The following KIF21B variants were observed in gnomAD, a reference collection of about 807,000 sequenced individuals.
KIF21B encodes the protein kinesin-like protein KIF21B.
KIF21B carries 85 observed loss-of-function variants against 192.9 expected under a neutral mutation model. That is an observed-to-expected ratio of 0.44 (90% confidence interval 0.37 to 0.53). The LOEUF (loss-of-function observed/expected upper bound fraction) is 0.53. Among genes scored for constraint, KIF21B ranks in the 20% least tolerant of loss-of-function variants. KIF21B has a pLI of 0.00. For missense variants in KIF21B, 1,716 were observed against 2,194.8 expected (o/e 0.78, Z 4.36); for synonymous variants, 832 against 884.6 (o/e 0.94, Z 1.05).
intron 27 of KIF21B, 29 bp from the exon 28 acceptor site, chr1:200,983,123 A>AG: frequency 1.3e-6 from 2 of 1,532,168 alleles, no homozygotes; most frequent in Non-Finnish European, 1.7e-6. Flanking sequence ...TAGCTGGATT[A>AG]GGGGGTGAGA....
chr1:201,001,922 AT>A, intron 9 of KIF21B: 1 of 556,306 alleles, frequency 1.8e-6, no homozygotes, highest in Non-Finnish European at 3.2e-6. Flanking sequence ...GGGAGAGGCG[AT>A]TTTAATCTTT....
intron 24 of KIF21B, among the ~76,000 whole-genome samples, 181 bp downstream of exon 24, chr1:200,988,115 G>A (rs1656422105): frequency 6.6e-6 from 1 of 152,210 alleles, no homozygotes; most frequent in African/African-American, 2.4e-5. Flanking sequence ...GGAATGGGCT[G>A]CAACAGGTTA....
intron 29 of KIF21B, 105 bp from the exon 30 acceptor site, chr1:200,979,820 C>A (rs752437109): frequency 3.6e-5 from 33 of 914,372 alleles, no homozygotes; most frequent in Non-Finnish European, 4.4e-5. Context: ...AAGGGATCCA[C>A]AGGGCTCCAG....
chr1:201,002,107 G>T, intron 9 of KIF21B, 54 bp downstream of exon 9: 1 of 1,507,950 alleles, frequency 6.6e-7, no homozygotes, highest in Non-Finnish European at 9.2e-7. Context: ...GATGTCGGGG[G>T]AGGGAGTCCT....
chr1:201,023,239 T>A lies in KIF21B; in HGVS notation c.41+104A>T. On this transcript the variant is annotated intron_variant, in intron 1 of 34. Transcript: ENST00000461742. The surrounding 1 kb of genome is among the most constrained non-coding windows in gnomAD (Gnocchi z 5.9). ...CCCACGCCGGCCCCTCCTCCGGGAG[T>A]GCAGGCTCCAGCCCAAGCGGTGCTC... 1.0e-6 allele frequency: 1 copy of A among 988,882 alleles called. No individual in the cohort carries two copies. Among genetic ancestry groups the A allele is most frequent in the Non-Finnish European group, 1.4e-6 (1 of 715,494 alleles). 61.3% of individuals were successfully genotyped at this position (988,882 alleles called of 1,614,324 possible). A position where few individuals can be genotyped will look rare whatever the true frequency, so the allele number is the denominator to read the frequency against.
chr1:200,990,799 C>G lies in KIF21B; in HGVS notation c.2688-76G>C. 6.3e-7 allele frequency: 1 copy of G among 1,596,418 alleles called. No individual in the cohort carries two copies. Among genetic ancestry groups the G allele is most frequent in the South Asian group, 1.1e-5 (1 of 89,484 alleles). ...AGCTCCACTGAGCCCCCATCTGGAG[C>G]TGACAGCCACGGGGACCCGGAGCAC... is the stretch of plus-strand genomic sequence containing the variant. On this transcript the variant is annotated intron_variant, in intron 18 of 34. Transcript: ENST00000461742. The surrounding 1 kb of genome is among the most constrained non-coding windows in gnomAD (Gnocchi z 5.4).
rs1037005476 is a variant in KIF21B, at chr1:200,998,178, A to C, written c.2077+206T>G. Among the ~76,000 whole-genome samples, 1 of 152,232 alleles carries C rather than the reference A, an allele frequency of 6.6e-6. No individual in the cohort carries two copies. The highest frequency in any genetic ancestry group is 2.4e-5 in the African/African-American group (1 of 41,468). On this transcript the variant is annotated intron_variant, in intron 14 of 34. Transcript: ENST00000461742. This position sits in a 1 kb window ranked among gnomAD's most constrained non-coding sequence, Gnocchi z 4.3. ...TAATACATGACGTGATAGCAAAGAAAAAAAATCAATTTACAATGTTTCATA... is the reference window on the plus strand; with the variant it reads ...TAATACATGACGTGATAGCAAAGAACAAAAATCAATTTACAATGTTTCATA...
chr1:201,003,597 C>G lies in KIF21B; in HGVS notation c.1201G>C (p.Glu401Gln). Reference protein sequence around the residue: ...EIARLQMELMEYKAGKRVIGE... With the variant: ...EIARLQMELMQYKAGKRVIGE... ...AGGAGCATGCTCACCGCCTTATACT[C>G]CATCAGCTCCATCTGCAGCCGAGCA... The change falls in exon 8 of 35, where the codon GAG becomes CAG. Residue 401 changes from glutamate (E) to glutamine (Q), a missense_variant. This residue lies in a region of KIF21B where 1,087 missense variants were observed against 1,316.6 expected (regional missense o/e 0.83). Coordinates refer to ENST00000461742, the MANE Select transcript of KIF21B (RefSeq NM_001252102.2). The G allele has an allele frequency of 6.2e-7, 1 of 1,613,856 alleles. No individual in the cohort carries two copies. Among genetic ancestry groups the G allele is most frequent in the Non-Finnish European group, 8.5e-7 (1 of 1,180,044 alleles).
In KIF21B at chr1:200,999,849, C is replaced by T; in HGVS notation, c.1767+34G>A. On this transcript the variant is annotated intron_variant, in intron 12 of 34. Coordinates refer to ENST00000461742, the MANE Select transcript of KIF21B (RefSeq NM_001252102.2). The surrounding 1 kb of genome is among the most constrained non-coding windows in gnomAD (Gnocchi z 4.7). ...AACCCCAGCAGGGACACAAGGCATG[C>T]ATGTGGTGAGGTGGGGCGGCCCGTG... 6.2e-7 allele frequency: 1 copy of T among 1,608,044 alleles called. No homozygotes were observed.
Position 200,975,467 on chromosome 1 carries a change from A to G in KIF21B, c.4614+32T>C. 6.3e-7 allele frequency: 1 copy of G among 1,589,470 alleles called. No individual in the cohort carries two copies. Among genetic ancestry groups the G allele is most frequent in the Non-Finnish European group, 8.6e-7 (1 of 1,162,902 alleles). On this transcript the variant is annotated intron_variant, in intron 33 of 34. Coordinates refer to ENST00000461742, the MANE Select transcript of KIF21B (RefSeq NM_001252102.2). The surrounding 1 kb of genome is among the most constrained non-coding windows in gnomAD (Gnocchi z 4.3). ...TGGGCTATGGAAACCACCCTACCCG[A>G]GTCTACCCTCTCCCTTTCCTCCTGA...
chr1:200,991,207 G>A, intron 17 of KIF21B, 58 bp from the exon 18 acceptor site: 5 of 1,404,614 alleles, frequency 3.6e-6, no homozygotes, highest in Non-Finnish European at 5.0e-6. Context: ...GAGCCACACA[G>A]AAGGGCCCAG....
chr1:200,973,559 A>G lies in KIF21B; in HGVS notation c.4834T>C (p.Trp1612Arg). The change falls in exon 35 of 35, where the codon TGG becomes CGG. Residue 1612 changes from tryptophan (W) to arginine (R), a missense_variant. By Grantham distance (101) the Trp-to-Arg change is moderately radical. Around this residue, in one of 3 missense-constraint regions of KIF21B, gnomAD observed 580 missense variants for 775.5 expected, o/e 0.75. Transcript: ENST00000461742. ...TASSDLTVKF[W>R]SVRRLPHSGP... ...CTGTGGGGTAACCGCCGGACACTCC[A>G]GAACTTCACCGTCAGGTCACTGGGG... The G allele has an allele frequency of 6.6e-7, 1 of 1,515,282 alleles. No individual in the cohort carries two copies. The highest frequency in any genetic ancestry group is 1.4e-5 in the African/African-American group (1 of 71,512). 93.9% of individuals were successfully genotyped at this position (1,515,282 alleles called of 1,614,324 possible).
intron 1 of KIF21B, among the ~76,000 whole-genome samples, chr1:201,022,516 A>G (rs1000889325): frequency 6.6e-6 from 1 of 152,208 alleles, no homozygotes; most frequent in African/African-American, 2.4e-5. Flanking sequence ...TCAATTTCAC[A>G]GCATTTCCTG....
rs1050356871 is a variant in KIF21B, at chr1:200,969,848, A to C, written c.*3673T>G. 4 of 152,502 alleles carry C rather than the reference A, an allele frequency of 2.6e-5. No homozygotes were observed. Among genetic ancestry groups the C allele is most frequent in the Non-Finnish European group, 4.4e-5 (3 of 68,116 alleles). The allele number at this position is 152,502 out of a possible 1,614,324, so 9.4% of individuals were successfully genotyped here. ...TGCAAAATCTGTCCTTGCACACAAG[A>C]GGGCAGGGAAGGATCTGGGAGTCAG... On this transcript the variant is annotated 3_prime_UTR_variant, in exon 35 of 35. Coordinates refer to ENST00000461742, the MANE Select transcript of KIF21B (RefSeq NM_001252102.2).
In KIF21B at chr1:201,005,313, C is replaced by T. The variant is rs151270657; in HGVS notation, c.727G>A (p.Asp243Asn). Residue 243 changes from aspartate (D) to asparagine (N), a missense_variant, in exon 5 of 35, where the codon GAC becomes AAC. Asp to Asn is a conservative substitution (Grantham distance 23, BLOSUM62 1). Coordinates refer to ENST00000461742, the MANE Select transcript of KIF21B (RefSeq NM_001252102.2). ...GCCCCCTGCAGGCTCCTCACCAGGTCGGGCTGGGTGCACATGCGCATCTGG... is the reference window on the plus strand; with the variant it reads ...GCCCCCTGCAGGCTCCTCACCAGGTTGGGCTGGGTGCACATGCGCATCTGG... ...LCQMRMCTQP[D>N]LVNEAVTGLP... 30 of 1,597,590 alleles carry T rather than the reference C, an allele frequency of 1.9e-5. No homozygotes were observed. The highest frequency in any genetic ancestry group is 3.4e-4 in the Middle Eastern group (2 of 5,964).
intron 1 of KIF21B, among the ~76,000 whole-genome samples, chr1:201,022,614 C>T (rs1658909744): frequency 6.6e-6 from 1 of 152,202 alleles, no homozygotes; most frequent in South Asian, 2.1e-4. Context: ...AGTCCCGGAG[C>T]TGTTGAGAAT....
At chr1:201,018,692 T>C (rs546440330) in intron 1 of KIF21B, among the ~76,000 whole-genome samples, 1 of 152,344 alleles carries the variant, frequency 6.6e-6, no homozygotes. Flanking sequence ...TGTGCATCTA[T>C]ATGATGGGAA....
rs1413806111 is a variant in KIF21B, at chr1:201,017,955, G to T, written c.41+5388C>A. ...CGCCTGCCCTGGAGCTTCACATAGG[G>T]ATTGAGGTGGGTGGATCTCTGGGGC... On this transcript the variant is annotated intron_variant, in intron 1 of 34. Coordinates refer to ENST00000461742, the MANE Select transcript of KIF21B (RefSeq NM_001252102.2). The surrounding 1 kb of genome is among the most constrained non-coding windows in gnomAD (Gnocchi z 4.1). 6.6e-6 allele frequency among the ~76,000 whole-genome samples: 1 copy of T among 152,176 alleles called. No homozygotes were observed. The highest frequency in any genetic ancestry group is 6.5e-5 in the Admixed American group (1 of 15,290).
Position 200,975,664 on chromosome 1 carries a change from G to A in KIF21B, c.4449C>T (p.Phe1483=), listed in dbSNP as rs762604681. The change falls in exon 33 of 35, where the codon TTC becomes TTT. Residue 1483 remains phenylalanine, a synonymous_variant. Coordinates refer to ENST00000461742, the MANE Select transcript of KIF21B (RefSeq NM_001252102.2). The surrounding 1 kb of genome is among the most constrained non-coding windows in gnomAD (Gnocchi z 4.3). ...TGSKDHYVKM[F]ELGECVTGTI... ...TGCCCGTCACACACTCGCCCAGCTC[G>A]AACATCTGTGGGAGGAGGGGCCAGT... 16 of 1,608,004 alleles carry A rather than the reference G, an allele frequency of 1.0e-5. No individual in the cohort carries two copies. In the Admixed American group the frequency reaches 1.8e-4, roughly 18 times the overall value.
Sources: allele counts gnomAD v4.1 joint callset (sites outside exome capture counted in the v4.1 genomes callset), GRCh38; gene constraint gnomAD v4.1.1; regional missense constraint gnomAD v4.1.1; non-coding constraint Gnocchi (gnomAD v3.1); transcripts MANE v1.5; gene names NCBI Gene and HGNC (gene_info 2026-07-23, HGNC 2026-07-21).